The following PER1 variants were observed in gnomAD, a reference collection of about 807,000 sequenced individuals.
PER1 encodes period circadian protein homolog 1.
PER1 carries 87 observed loss-of-function variants against 125.9 expected under a neutral mutation model. The ratio of observed to expected loss-of-function variants is 0.69; its 90% CI spans 0.58 to 0.83. PER1 has a LOEUF of 0.83. PER1 is among the 40% of genes least tolerant of loss of function. The pLI is 0.00. For synonymous variants in PER1, 801 were observed against 714.7 expected, an observed-to-expected ratio of 1.12 and a Z score of -1.93; for missense variants, 1,775 against 1,722.8, an observed-to-expected ratio of 1.03 and a Z score of -0.54.
rs1982597695 is a variant in PER1, at chr17:8,148,392, G to C, written c.1049-133C>G. 5 of 836,744 alleles carry C rather than the reference G, an allele frequency of 6.0e-6. No individual in the cohort carries two copies. The Admixed American group carries it at 1.2e-4, about 21-fold the overall frequency. 51.8% of individuals were successfully genotyped at this position (836,744 alleles called of 1,614,324 possible). A position where few individuals can be genotyped will look rare whatever the true frequency, so the allele number is the denominator to read the frequency against. ...CCCCGGGCACTATGGGCCCAAAGAT[G>C]GTCTGGGCCAATCCTATGCCCTGTA... On this transcript the variant is annotated intron_variant, in intron 8 of 22. Transcript: ENST00000317276.
chr17:8,147,162 C>G, intron 13 of PER1, 88 bp downstream of exon 13: 1 of 1,498,508 alleles, frequency 6.7e-7, no homozygotes. Context: ...AAAGGAGGAT[C>G]GGGCAAGACT....
In PER1 at chr17:8,141,234, C is replaced by T. The variant is rs768026367; in HGVS notation, c.3707G>A (p.Gly1236Asp). Residue 1236 changes from glycine (G) to aspartate (D), a missense_variant, in exon 23 of 23, where the codon GGC becomes GAC. Transcript: ENST00000317276. ...LGLEPMEEGG[G>D]EQGSSGGGSG... ...GCCGCCACCGCTGCTGCCCTGCTCG[C>T]CTCCACCCTCTTCCATGGGCTCCAG... 3 of 1,614,206 alleles carry T rather than the reference C, an allele frequency of 1.9e-6. No homozygotes were observed. Among genetic ancestry groups the T allele is most frequent in the South Asian group, 1.1e-5 (1 of 91,088 alleles).
In PER1 at chr17:8,142,698, C is replaced by T; in HGVS notation, c.3210G>A (p.Gly1070=). 1.2e-6 allele frequency: 2 copies of T among 1,614,028 alleles called. No individual in the cohort carries two copies. The highest frequency in any genetic ancestry group is 1.1e-5 in the South Asian group (1 of 91,080). The change falls in exon 20 of 23, where the codon GGG becomes GGA. Residue 1070 remains glycine (G), a synonymous_variant. Transcript: ENST00000317276. ...SGSLGSGLGS[G]SGSGSHEGGS... ...CCCCTTCATGGGAGCCTGAACCAGACCCAGAGCCCAAGCCAGAGCCCAAGG... is the reference window on the plus strand; with the variant it reads ...CCCCTTCATGGGAGCCTGAACCAGATCCAGAGCCCAAGCCAGAGCCCAAGG...
chr17:8,142,629 G>A lies in PER1; in HGVS notation c.3259+20C>T. 6.2e-7 allele frequency: 1 copy of A among 1,612,102 alleles called. No individual in the cohort carries two copies. The highest frequency in any genetic ancestry group is 8.5e-7 in the Non-Finnish European group (1 of 1,178,632). On this transcript the variant is annotated intron_variant, in intron 20 of 22. Transcript: ENST00000317276. ...CAATCACTGCCCTACCCTGGGAGAT[G>A]CTGGAGGCGGGGTACTCACGAGTGA...
intron 21 of PER1, 79 bp from the exon 22 acceptor site, chr17:8,142,034 C>A (rs1982112296): frequency 6.4e-7 from 1 of 1,564,610 alleles, no homozygotes; most frequent in Non-Finnish European, 8.7e-7. Context: ...CATCCTTCCT[C>A]TACCACAGCT....
At position 8,143,795 on chromosome 17, in the gene PER1, G is replaced by A. The variant is rs144553389; in HGVS notation, c.2543C>T (p.Pro848Leu). ...KAKRSRHHQN[P>L]RAEAPCYVSH... ...GACATAGCAGGGCGCTTCAGCCCGA[G>A]GGTTCTGGTGGTGGCGTGAGCGCTT... Residue 848 changes from proline (P) to leucine (L), a missense_variant, in exon 19 of 23, where the codon CCT becomes CTT. Transcript: ENST00000317276. 8.7e-6 allele frequency: 14 copies of A among 1,611,230 alleles called. No homozygotes were observed. The highest frequency in any genetic ancestry group is 1.1e-5 in the South Asian group (1 of 90,848).
chr17:8,150,798 G>A lies in PER1; in HGVS notation c.-92C>T, dbSNP rs769147668. 1.1e-5 allele frequency: 14 copies of A among 1,228,032 alleles called. No homozygotes were observed. The highest frequency in any genetic ancestry group is 1.5e-5 in the South Asian group (1 of 65,768). 76.1% of individuals were successfully genotyped at this position (1,228,032 alleles called of 1,614,324 possible). The stretch of plus-strand genomic sequence containing the variant: ...GGAGGCTTGGCTGAGGGAGTGAGGT[G>A]GAAGATCTAAGTCTCTGAGGGTTGA... On this transcript the variant is annotated 5_prime_UTR_variant, in exon 2 of 23. Transcript: ENST00000317276.
chr17:8,148,058 G>C lies in PER1; in HGVS notation c.1173C>G (p.Ala391=). The change falls in exon 10 of 23, where the codon GCC becomes GCG. Residue 391 remains alanine (A), a synonymous_variant. Coordinates refer to ENST00000317276, the MANE Select transcript of PER1 (RefSeq NM_002616.3). ...LGYLPQDLLG[A]PVLLFLHPED... ...CAGGATGCAGGAACAGGAGCACTGGGGCCCCCAGGAGGTCCTGGGGCAGGT... is the reference window on the plus strand; with the variant it reads ...CAGGATGCAGGAACAGGAGCACTGGCGCCCCCAGGAGGTCCTGGGGCAGGT... The C allele has an allele frequency of 6.2e-7, 1 of 1,612,564 alleles. No homozygotes were observed. Among genetic ancestry groups the C allele is most frequent in the Non-Finnish European group, 8.5e-7 (1 of 1,179,410 alleles).
chr17:8,142,117 C>T (rs556252468), intron 21 of PER1, 152 bp downstream of exon 21: 3 of 1,136,728 alleles, frequency 2.6e-6, no homozygotes, highest in Non-Finnish European at 3.8e-6. Context: ...AACCTGCTCT[C>T]CTCCTGGGAG....
rs372819690 is a variant in PER1, at chr17:8,147,228, G to C, written c.1629+22C>G. 8.2e-6 allele frequency: 13 copies of C among 1,592,360 alleles called. No homozygotes were observed. The African/African-American group carries it at 1.7e-4, about 21-fold the overall frequency. On this transcript the variant is annotated intron_variant, in intron 13 of 22. Transcript: ENST00000317276. Reference sequence around the variant, plus strand: ...AGAGGGGAAAGGGCGATTAGAGGGTGAGGTAGGAGCAGGTCACTCACTGGC... The same window carrying C: ...AGAGGGGAAAGGGCGATTAGAGGGTCAGGTAGGAGCAGGTCACTCACTGGC...
Position 8,143,927 on chromosome 17 carries a change from C to G in PER1, c.2462-51G>C, listed in dbSNP as rs774674777. The G allele has an allele frequency of 3.9e-6, 6 of 1,551,078 alleles. No homozygotes were observed. In the South Asian group the frequency reaches 6.0e-5, roughly 15 times the overall value. On this transcript the variant is annotated intron_variant, in intron 18 of 22. Coordinates refer to ENST00000317276, the MANE Select transcript of PER1 (RefSeq NM_002616.3). ...AGGACCTCAACCTGGGGTTAGTACC[C>G]CTGCTACCCACACTGCCCTGACACG...
Position 8,141,791 on chromosome 17 carries a change from C to A in PER1, c.3600+14G>T, listed in dbSNP as rs1418112525. 7.1e-7 allele frequency: 1 copy of A among 1,413,446 alleles called. No individual in the cohort carries two copies. Among genetic ancestry groups the A allele is most frequent in the Non-Finnish European group, 9.5e-7 (1 of 1,052,906 alleles). The allele number at this position is 1,413,446 out of a possible 1,614,324, so 87.6% of individuals were successfully genotyped here. ...GCTCAATTCTTTTTTCTCCCCGTCCCAGGCTTCTCTCACCATCACATCAAG... is the reference window on the plus strand; with the variant it reads ...GCTCAATTCTTTTTTCTCCCCGTCCAAGGCTTCTCTCACCATCACATCAAG... On this transcript the variant is annotated intron_variant, in intron 22 of 22. Transcript: ENST00000317276.
rs1242996964 is a variant in PER1 at position 8,150,036 on chromosome 17, C to T, written c.464G>A (p.Gly155Asp). The T allele has an allele frequency of 1.2e-6, 2 of 1,614,150 alleles. No homozygotes were observed. The highest frequency in any genetic ancestry group is 1.7e-5 in the Admixed American group (1 of 60,026). ...GGCCAGGGTCCCAGAGCGGCCCTTG[C>T]CCCGGCGCTCTGGCGGCAGTCGAAG... The part of the protein sequence containing the change: ...LKLRLPPERR[G>D]KGRSGTLATL... The change falls in exon 4 of 23, where the codon GGC (glycine) becomes GAC (aspartate). Residue 155 changes from glycine (G) to aspartate (D), a missense_variant. Gly to Asp is a moderately conservative substitution (Grantham distance 94, BLOSUM62 -1). Coordinates refer to ENST00000317276, the MANE Select transcript of PER1 (RefSeq NM_002616.3).
chr17:8,142,737 G>A lies in PER1; in HGVS notation c.3171C>T (p.Ser1057=), dbSNP rs144848830. 8.0e-5 allele frequency: 129 copies of A among 1,613,838 alleles called. No homozygotes were observed. In the African/African-American group the frequency reaches 1.1e-3, roughly 14 times the overall value. The part of the protein sequence containing the change: ...LQEDSRSGTG[S]AASGSLGSGL... The stretch of plus-strand genomic sequence containing the variant: ...CAGAGCCCAAGGAGCCCGAGGCTGC[G>A]GAGCCTGTGCCGGAGCGCGAGTCCT... The change falls in exon 20 of 23, where the codon TCC becomes TCT. Residue 1057 remains serine (S), a synonymous_variant. Transcript: ENST00000317276.
intron 18 of PER1, 137 bp from the exon 19 acceptor site, chr17:8,144,013 G>A: frequency 7.4e-7 from 1 of 1,353,676 alleles, no homozygotes; most frequent in Non-Finnish European, 9.6e-7. Flanking sequence ...CACAGAACGG[G>A]GGACTCAGGA....
At position 8,150,711 on chromosome 17, in the gene PER1, G is replaced by A; in HGVS notation, c.-5C>T. 1 of 1,537,800 alleles carries A rather than the reference G, an allele frequency of 6.5e-7. No homozygotes were observed. The highest frequency in any genetic ancestry group is 1.2e-5 in the South Asian group (1 of 80,210). On this transcript the variant is annotated 5_prime_UTR_variant, in exon 2 of 23. It introduces an in-frame stop codon into an upstream open reading frame of the 5' UTR. Coordinates refer to ENST00000317276, the MANE Select transcript of PER1 (RefSeq NM_002616.3). ...CCCTTCTAGGGGGCCACTCATGTCT[G>A]GGCCATGGGGAGAACAGAACAGAGA...
rs752913347 is a variant in PER1 at position 8,146,391 on chromosome 17, G to A, written c.2019C>T (p.Val673=). The A allele has an allele frequency of 1.2e-6, 2 of 1,610,718 alleles. No homozygotes were observed. The highest frequency in any genetic ancestry group is 1.3e-5 in the African/African-American group (1 of 75,026). ...CTTTACCTTTCTTGGTCCCCACAGA[G>A]ACTGGACCTGTCCTCTGCCTGTCGT... The part of the protein sequence containing the change: ...SDDDRQRTGP[V]SVGTKKDPPS... Residue 673 remains valine, a synonymous_variant, in exon 16 of 23, where the codon GTC becomes GTT. Coordinates refer to ENST00000317276, the MANE Select transcript of PER1 (RefSeq NM_002616.3).
chr17:8,146,283 G>A, intron 16 of PER1, 89 bp downstream of exon 16: 1 of 1,535,294 alleles, frequency 6.5e-7, no homozygotes, highest in Non-Finnish European at 8.8e-7. Flanking sequence ...GAGCAGGGCA[G>A]AGCAAGAGGG....
In PER1 at chr17:8,144,851, T is replaced by C. The variant is rs2253820; in HGVS notation, c.2361A>G (p.Thr787=). 0.8 allele frequency: 1,260,507 copies of C among 1,581,704 alleles called. 516,872 individuals are homozygous for C. Among genetic ancestry groups the C allele is most frequent in the Non-Finnish European group, 0.85 (991,051 of 1,162,304 alleles). ...TGAGGAAGGCTTGCTCTTCCTTCTG[T>C]GTGTGCAGGGACAGCACGGCCTTGG... ...GLTKAVLSLH[T]QKEEQAFLSR... Residue 787 remains threonine, a synonymous_variant, in exon 18 of 23, where the codon ACA becomes ACG. Transcript: ENST00000317276.
Sources: allele counts gnomAD v4.1 joint callset, GRCh38; gene constraint gnomAD v4.1.1; transcripts MANE v1.5; gene names NCBI Gene and HGNC (gene_info 2026-07-23, HGNC 2026-07-21).